Variants in TUSC3 observed in about 807,000 individuals in gnomAD.
TUSC3 encodes the protein tumor suppressor candidate 3.
Under a neutral mutation model 44.8 loss-of-function variants are expected in TUSC3, and 45 were observed. That is an observed-to-expected ratio of 1.00 (90% CI 0.79 to 1.29). The LOEUF (loss-of-function observed/expected upper bound fraction) is 1.29. Ranked by LOEUF, TUSC3 falls within the 50% of genes most tolerant of loss-of-function variation. TUSC3 has a pLI of 0.00. For missense variants in TUSC3, 519 were observed against 437.9 expected, an observed-to-expected ratio of 1.19 and a Z score of -1.65; for synonymous variants, 212 against 152.9, an observed-to-expected ratio of 1.39 and a Z score of -2.85.
chr8:15,430,170 A>C (rs1394210366), intron 1 of TUSC3, among the ~76,000 whole-genome samples: 1 of 146,310 alleles, frequency 6.8e-6, no homozygotes, highest in East Asian at 1.9e-4. Flanking sequence ...CAGAGACACA[A>C]CAAAAAAAAG....
intron 1 of TUSC3, among the ~76,000 whole-genome samples, chr8:15,591,941 A>G (rs953991003): frequency 5.9e-5 from 9 of 152,206 alleles, no homozygotes; most frequent in Non-Finnish European, 1.3e-4. Context: ...TCTTCCACTA[A>G]TGCAGAGGAA....
the TUSC3 span, among the ~76,000 whole-genome samples, chr8:15,837,657 G>C: frequency 1.3e-5 from 2 of 151,970 alleles, no homozygotes; most frequent in Non-Finnish European, 2.9e-5. Flanking sequence ...CTGTTGTCTT[G>C]TTATCACTCA....
chr8:15,584,881 A>G (rs1246093722), intron 1 of TUSC3, among the ~76,000 whole-genome samples: 3 of 152,162 alleles, frequency 2.0e-5, no homozygotes, highest in Non-Finnish European at 4.4e-5. Context: ...TTGGAGGTAA[A>G]GCTTTGAGAG....
intron 3 of TUSC3, among the ~76,000 whole-genome samples, chr8:15,653,590 G>A (rs917281407): frequency 1.3e-5 from 2 of 152,150 alleles, no homozygotes; most frequent in African/African-American, 2.4e-5. Context: ...AGGAATCCTG[G>A]TGTAGAACTG....
At chr8:15,742,371 A>G (rs1197281531) in intron 7 of TUSC3, among the ~76,000 whole-genome samples, 1 of 152,192 alleles carries the variant, frequency 6.6e-6, no homozygotes, top group Non-Finnish European at 1.5e-5. Flanking sequence ...TGGAAGCATA[A>G]ATGCCTTACT....
the TUSC3 span, among the ~76,000 whole-genome samples, chr8:15,849,247 C>T: frequency 6.6e-5 from 10 of 152,198 alleles, no homozygotes; most frequent in South Asian, 2.1e-4. Context: ...GCAGGTGTAA[C>T]GTATTCCACC....
rs116839814 is a variant in TUSC3, at chr8:15,515,501, G to T, written n.189+32018G>T. Among the ~76,000 whole-genome samples, 1,180 of 152,144 alleles carry T rather than the reference G, an allele frequency of 7.8e-3. 20 individuals are homozygous for T. The highest frequency in any genetic ancestry group is 0.027 in the African/African-American group (1,124 of 41,490). On this transcript the variant is annotated intron_variant and non_coding_transcript_variant, in intron 2 of 5. Coordinates refer to the TUSC3 transcript ENST00000503191. ...TTCTGACTCTAGCAAATGACTGACGGTAGCAAATTTTCCTTGGTTCATTAA... is the reference window on the plus strand; with the variant it reads ...TTCTGACTCTAGCAAATGACTGACGTTAGCAAATTTTCCTTGGTTCATTAA...
intron 1 of TUSC3, among the ~76,000 whole-genome samples, chr8:15,462,517 G>A (rs1317429393): frequency 2.0e-5 from 3 of 151,998 alleles, no homozygotes; most frequent in African/African-American, 4.8e-5. Flanking sequence ...ACGACTGCCT[G>A]TTAATGTTAT....
chr8:15,513,800 A>G (rs759058142), intron 2 of TUSC3, among the ~76,000 whole-genome samples: 18 of 152,174 alleles, frequency 1.2e-4, no homozygotes, highest in Non-Finnish European at 2.2e-4. Flanking sequence ...ATAGGAGCCA[A>G]CTGCACTTAT....
chr8:15,613,420 A>G (rs75083604), intron 1 of TUSC3, among the ~76,000 whole-genome samples: 1 of 152,198 alleles, frequency 6.6e-6, no homozygotes, highest in Non-Finnish European at 1.5e-5. Flanking sequence ...TGAGTGTCTT[A>G]GCATTTGTAA....
intron 2 of TUSC3, among the ~76,000 whole-genome samples, chr8:15,508,715 C>T (rs939192951): frequency 2.6e-4 from 40 of 152,132 alleles, no homozygotes; most frequent in African/African-American, 8.7e-4. Flanking sequence ...CCCGCCTGGG[C>T]GTCCCAAAGT....
chr8:15,484,497 A>G (rs28643275), intron 2 of TUSC3, among the ~76,000 whole-genome samples: 17,666 of 152,288 alleles, frequency 0.12, 1,525 homozygotes, highest in African/African-American at 0.24. Flanking sequence ...AAATAATCCC[A>G]TAAAAAATAT....
At chr8:15,733,541 C>G (rs922625301) in intron 7 of TUSC3, 1 of 235,244 alleles carries the variant, frequency 4.3e-6, no homozygotes. Flanking sequence ...TCATTGACAT[C>G]AAGCTGAGAT....
chr8:15,618,418 T>A (rs969123154), intron 1 of TUSC3, among the ~76,000 whole-genome samples: 3 of 152,236 alleles, frequency 2.0e-5, no homozygotes, highest in African/African-American at 4.8e-5. Flanking sequence ...TCTGATTTTT[T>A]AAGAAGTTTT....
chr8:15,620,418 A>C (rs1289954409), intron 1 of TUSC3, among the ~76,000 whole-genome samples: 2 of 152,168 alleles, frequency 1.3e-5, no homozygotes, highest in Non-Finnish European at 2.9e-5. Flanking sequence ...TCAAGATGTG[A>C]TTGTGTAGAA....
At chr8:15,613,789 A>C (rs531330831) in intron 1 of TUSC3, among the ~76,000 whole-genome samples, 1 of 152,240 alleles carries the variant, frequency 6.6e-6, no homozygotes, top group South Asian at 2.1e-4. Context: ...TTTAACTTTA[A>C]CATTCCCTTT....
intron 1 of TUSC3, among the ~76,000 whole-genome samples, chr8:15,556,438 G>A (rs1436189693): frequency 1.3e-5 from 2 of 151,314 alleles, no homozygotes; most frequent in Non-Finnish European, 3.0e-5. Context: ...AGTCTTTGCT[G>A]TTGTGAATAA....
intron 2 of TUSC3, among the ~76,000 whole-genome samples, chr8:15,645,787 C>T (rs957794587): frequency 2.6e-5 from 4 of 151,996 alleles, no homozygotes; most frequent in Admixed American, 1.3e-4. Flanking sequence ...TGATAGTACA[C>T]AGATGTAAAA....
chr8:15,716,570 G>A (rs1352316922), intron 6 of TUSC3, among the ~76,000 whole-genome samples: 1 of 152,070 alleles, frequency 6.6e-6, no homozygotes, highest in African/African-American at 2.4e-5. Context: ...ACTGATACAC[G>A]TGTGATACAT....
Sources: gnomAD v4.1 joint callset for allele counts (sites outside exome capture counted in the v4.1 genomes callset) on GRCh38, gnomAD v4.1.1 for gene constraint, MANE v1.5 for transcripts, NCBI Gene and HGNC (gene_info 2026-07-23, HGNC 2026-07-21) for gene names.